CRACDL: variants seen among roughly 807,000 people sequenced by gnomAD.
CRACDL encodes CRACD-like protein.
A neutral mutation model predicts 70.6 loss-of-function variants in CRACDL; 26 were observed. The observed-to-expected ratio is 0.37, with a 90% confidence interval of 0.27 to 0.51. CRACDL has a LOEUF of 0.51. Ranked by LOEUF, CRACDL falls within the 20% of genes least tolerant of loss-of-function variation. The pLI, the probability that CRACDL is intolerant of heterozygous loss-of-function variation, is 0.94. For synonymous variants in CRACDL, 618 were observed against 615.2 expected, an observed-to-expected ratio of 1.00 and a Z score of -0.07; for missense variants, 1,283 against 1,376.9, an observed-to-expected ratio of 0.93 and a Z score of 1.08.
At chr2:98,884,008 A>G (rs1316610577) in intron 1 of CRACDL, among the ~76,000 whole-genome samples, 2 of 152,204 alleles carry the variant, frequency 1.3e-5, no homozygotes, top group Admixed American at 6.5e-5. Flanking sequence ...TGCCGCCCAC[A>G]GGAGCTGATC....
At chr2:98,845,488 C>T (rs539642496) in intron 2 of CRACDL, among the ~76,000 whole-genome samples, 94 of 152,252 alleles carry the variant, frequency 6.2e-4, no homozygotes, top group Middle Eastern at 3.4e-3. Context: ...AGCCGCTGTG[C>T]CTGGCCCATT....
chr2:98,929,360 C>A (rs1003956330), intron 1 of CRACDL, among the ~76,000 whole-genome samples: 2 of 152,192 alleles, frequency 1.3e-5, no homozygotes, highest in Non-Finnish European at 2.9e-5. Flanking sequence ...GCACCTACTC[C>A]CTTACCTGTC....
At chr2:98,820,301 G>A (rs376451737) in intron 7 of CRACDL, among the ~76,000 whole-genome samples, 29 of 151,640 alleles carry the variant, frequency 1.9e-4, no homozygotes, top group African/African-American at 3.9e-4. Flanking sequence ...AGGCTGAGGC[G>A]GGCAGATCAC....
intron 7 of CRACDL, among the ~76,000 whole-genome samples, chr2:98,805,040 A>G (rs1488100911): frequency 2.0e-5 from 3 of 152,160 alleles, no homozygotes; most frequent in Non-Finnish European, 4.4e-5. Flanking sequence ...CTTTCTCTCC[A>G]GTGCATGGAG....
intron 1 of CRACDL, among the ~76,000 whole-genome samples, chr2:98,918,962 T>C (rs1474742301): frequency 6.6e-6 from 1 of 152,236 alleles, no homozygotes; most frequent in Admixed American, 6.5e-5. Flanking sequence ...ATTTTTGTTT[T>C]TGTTGGATGT....
intron 1 of CRACDL, among the ~76,000 whole-genome samples, chr2:98,872,576 A>G (rs6542841): frequency 0.4 from 60,312 of 151,984 alleles, 12,967 homozygotes; most frequent in African/African-American, 0.56. Flanking sequence ...AAAAACCTGC[A>G]CTTGTACCCC....
chr2:98,892,416 C>T (rs560823360), intron 1 of CRACDL, among the ~76,000 whole-genome samples: 1 of 151,948 alleles, frequency 6.6e-6, no homozygotes, highest in African/African-American at 2.4e-5. Context: ...GCAGGCCAGG[C>T]GTAGTGGCTC....
chr2:98,850,898 A>G (rs572337333), intron 1 of CRACDL, among the ~76,000 whole-genome samples: 4 of 152,334 alleles, frequency 2.6e-5, no homozygotes, highest in African/African-American at 7.2e-5. Context: ...GCTTCTATAG[A>G]AATATTTCTA....
intron 1 of CRACDL, among the ~76,000 whole-genome samples, chr2:98,903,400 C>T (rs1708331775): frequency 6.6e-6 from 1 of 152,168 alleles, no homozygotes; most frequent in Admixed American, 6.5e-5. Flanking sequence ...CAAGACACAT[C>T]GCTTGTAAAA....
intron 1 of CRACDL, among the ~76,000 whole-genome samples, chr2:98,881,973 C>T (rs1387836171): frequency 1.3e-5 from 2 of 152,174 alleles, no homozygotes; most frequent in South Asian, 2.1e-4. Context: ...CTTTCTAATC[C>T]TGGGGGAGGA....
At chr2:98,839,860 C>T (rs1243536520) in intron 2 of CRACDL, among the ~76,000 whole-genome samples, 1 of 152,094 alleles carries the variant, frequency 6.6e-6, no homozygotes, top group Admixed American at 6.6e-5. Flanking sequence ...GTGATTGATG[C>T]CTCTTTTCTC....
intron 1 of CRACDL, among the ~76,000 whole-genome samples, chr2:98,864,435 T>C (rs1193107630): frequency 6.6e-6 from 1 of 152,058 alleles, no homozygotes; most frequent in Non-Finnish European, 1.5e-5. Context: ...ACAGGTAGAA[T>C]GGGAGTGACT....
chr2:98,796,192 G>A lies in CRACDL; in HGVS notation c.2677C>T (p.Arg893Trp), dbSNP rs368332570. The change falls in exon 9 of 10, where the codon CGG (arginine) becomes TGG (tryptophan). Residue 893 changes from arginine to tryptophan, a missense_variant. By Grantham distance (101) the Arg-to-Trp change is moderately radical. Around this residue, in one of 2 missense-constraint regions of CRACDL, gnomAD observed 921 missense variants for 881.9 expected, o/e 1.04. Transcript: ENST00000397899. ...AAGTTGAGCTTTGCCCCCTGCTTCC[G>A]GTCCACAGCGGGCTTCACAGGGGTT... ...LITPVKPAVDRKQGAKLNFKE... is the reference protein window; with the variant it reads ...LITPVKPAVDWKQGAKLNFKE... The A allele has an allele frequency of 2.5e-5, 40 of 1,613,930 alleles. No homozygotes were observed. The highest frequency in any genetic ancestry group is 1.9e-4 in the South Asian group (17 of 91,078).
rs1708777040 is a variant in CRACDL, at chr2:98,920,515, C to A, written c.-11+15423G>T. Among the ~76,000 whole-genome samples the A allele has an allele frequency of 2.0e-5, 3 of 152,134 alleles. No homozygotes were observed. The South Asian group carries it at 6.2e-4, about 32-fold the overall frequency. ...CAGCACTTTCCTGCGGGACACAGGA[C>A]CTCCCCAGTCTGGCTGCAGCTTACT... On this transcript the variant is annotated intron_variant, in intron 1 of 9. Coordinates refer to ENST00000397899, the MANE Select transcript of CRACDL (RefSeq NM_207362.3).
intron 9 of CRACDL, among the ~76,000 whole-genome samples, chr2:98,795,797 C>T (rs977524629): frequency 3.3e-5 from 5 of 152,166 alleles, no homozygotes; most frequent in African/African-American, 4.8e-5. Flanking sequence ...TAAAAAAAGA[C>T]GGCCCTCTGT....
intron 7 of CRACDL, among the ~76,000 whole-genome samples, chr2:98,807,555 A>G (rs150064424): frequency 6.6e-6 from 1 of 152,334 alleles, no homozygotes; most frequent in Non-Finnish European, 1.5e-5. Flanking sequence ...GCAGCATGAC[A>G]CTGTGGAGCG....
At position 98,913,243 on chromosome 2, in the gene CRACDL, G is replaced by A. The variant is rs76246944; in HGVS notation, c.-11+22695C>T. On this transcript the variant is annotated intron_variant, in intron 1 of 9. Coordinates refer to ENST00000397899, the MANE Select transcript of CRACDL (RefSeq NM_207362.3). ...TTGAGAATCCTCAGTCTGTGCAGGA[G>A]GCAGACAGGCATGTCTGTAACCCAC... Among the ~76,000 whole-genome samples the A allele has an allele frequency of 4.8e-3, 736 of 152,322 alleles. 2 individuals carry two copies. Among genetic ancestry groups the A allele is most frequent in the Admixed American group, 7.9e-3 (121 of 15,308 alleles).
intron 1 of CRACDL, among the ~76,000 whole-genome samples, chr2:98,863,891 T>A (rs1324984870): frequency 1.3e-5 from 2 of 152,186 alleles, no homozygotes; most frequent in Non-Finnish European, 2.9e-5. Context: ...AAATGGTGAC[T>A]GCCAGGGGCT....
intron 1 of CRACDL, among the ~76,000 whole-genome samples, chr2:98,931,186 G>T (rs942834066): frequency 6.6e-6 from 1 of 152,064 alleles, no homozygotes; most frequent in South Asian, 2.1e-4. Flanking sequence ...TTTGCCAGGT[G>T]TGGTGACAGG....
Sources: gnomAD v4.1 joint callset for allele counts (sites outside exome capture counted in the v4.1 genomes callset) on GRCh38, gnomAD v4.1.1 for gene constraint, gnomAD v4.1.1 regional missense constraint, MANE v1.5 for transcripts, NCBI Gene and HGNC (gene_info 2026-07-23, HGNC 2026-07-21) for gene names.